EAF2: variants seen among roughly 807,000 people sequenced by gnomAD.
EAF2 encodes the protein ELL associated factor 2.
A neutral mutation model predicts 29.4 loss-of-function variants in EAF2; 29 were observed. The ratio of observed to expected loss-of-function variants is 0.99; its 90% CI spans 0.73 to 1.35. The LOEUF is 1.35. Among genes scored for constraint, EAF2 ranks in the 40% most tolerant of loss-of-function variants. The pLI, the probability that EAF2 is intolerant of heterozygous loss-of-function variation, is 0.00. For synonymous variants in EAF2, 103 were observed against 102.5 expected, an observed-to-expected ratio of 1.00 and a Z score of -0.03; for missense variants, 292 against 312.0, an observed-to-expected ratio of 0.94 and a Z score of 0.48.
intron 2 of EAF2, among the ~76,000 whole-genome samples, chr3:121,845,387 G>A (rs190258718): frequency 2.3e-4 from 29 of 124,394 alleles, no homozygotes; most frequent in Admixed American, 1.3e-3. Flanking sequence ...GCAGTGAGCC[G>A]AGATCACGCC....
intron 4 of EAF2, among the ~76,000 whole-genome samples, chr3:121,868,470 G>C (rs1360003478): frequency 6.6e-6 from 1 of 152,052 alleles, no homozygotes; most frequent in Non-Finnish European, 1.5e-5. Flanking sequence ...ACGGTGGCAC[G>C]CACCTTAATC....
chr3:121,845,175 C>A (rs1168151375), intron 2 of EAF2, among the ~76,000 whole-genome samples: 2 of 152,032 alleles, frequency 1.3e-5, no homozygotes, highest in Non-Finnish European at 1.5e-5. Flanking sequence ...CGCGGTGGCT[C>A]ACCCCTGTAA....
chr3:121,867,297 G>A (rs1306316152), intron 4 of EAF2, among the ~76,000 whole-genome samples: 1 of 152,000 alleles, frequency 6.6e-6, no homozygotes, highest in Non-Finnish European at 1.5e-5. Flanking sequence ...GTAAAAACCC[G>A]AACAAGCCCC....
intron 5 of EAF2, among the ~76,000 whole-genome samples, chr3:121,880,228 G>C (rs1376194212): frequency 6.6e-6 from 1 of 151,902 alleles, no homozygotes; most frequent in Non-Finnish European, 1.5e-5. Context: ...CTGCAGCCTT[G>C]AACTCCTAGG....
chr3:121,843,623 A>G (rs1708471118), intron 1 of EAF2, among the ~76,000 whole-genome samples: 1 of 152,112 alleles, frequency 6.6e-6, no homozygotes, highest in South Asian at 2.1e-4. Context: ...TTAGCTGTTG[A>G]TGTATATTCG....
chr3:121,859,679 T>C (rs1425652775), intron 4 of EAF2, among the ~76,000 whole-genome samples: 1 of 152,224 alleles, frequency 6.6e-6, no homozygotes, highest in East Asian at 1.9e-4. Flanking sequence ...TCCTGCCTGA[T>C]TGCCCTGGCC....
chr3:121,846,588 A>C (rs922211154), intron 2 of EAF2, among the ~76,000 whole-genome samples: 4 of 152,208 alleles, frequency 2.6e-5, no homozygotes, highest in Admixed American at 2.6e-4. Flanking sequence ...AGCCTGGGCA[A>C]CAAGAGCGAA....
chr3:121,873,073 G>C (rs1353690447), intron 5 of EAF2: 10 of 686,022 alleles, frequency 1.5e-5, no homozygotes, highest in Middle Eastern at 2.3e-4. Context: ...CTTACTTTTG[G>C]GTTCTTTTTT....
At chr3:121,838,156 G>A (rs1339753396) in intron 1 of EAF2, among the ~76,000 whole-genome samples, 1 of 151,992 alleles carries the variant, frequency 6.6e-6, no homozygotes, top group Non-Finnish European at 1.5e-5. Context: ...TGGCAGAAAA[G>A]GTATTAAATA....
intron 5 of EAF2, among the ~76,000 whole-genome samples, chr3:121,882,115 G>A (rs1033081035): frequency 5.9e-5 from 9 of 152,046 alleles, no homozygotes; most frequent in South Asian, 2.1e-4. Context: ...TTGGGAGGAC[G>A]AGGCAGGTGG....
rs1708511401 is a variant in EAF2 at position 121,845,446 on chromosome 3, A to G, written c.201+899A>G. Among the ~76,000 whole-genome samples, 3 of 144,814 alleles carry G rather than the reference A, an allele frequency of 2.1e-5. No homozygotes were observed. The South Asian group carries it at 6.6e-4, about 32-fold the overall frequency. ...GAGCGAGACTCCTACATCTCAAAAA[A>G]AAAAAAAAAAAAAAAAGAAAGAAAG... On this transcript the variant is annotated intron_variant, in intron 2 of 5. Transcript: ENST00000273668.
intron 1 of EAF2, chr3:121,837,864 G>A (rs1708333100): frequency 6.6e-6 from 1 of 152,174 alleles, no homozygotes; most frequent in Non-Finnish European, 1.5e-5. Flanking sequence ...GGGTAGAAGA[G>A]TTTCAATAAC....
intron 1 of EAF2, among the ~76,000 whole-genome samples, chr3:121,842,595 AAT>A (rs1470927839): frequency 2.6e-5 from 4 of 152,168 alleles, no homozygotes; most frequent in Non-Finnish European, 4.4e-5. Context: ...TCAAAGTAAA[AAT>A]CATCAGGAAA....
chr3:121,880,532 C>T (rs1222600874), intron 5 of EAF2, among the ~76,000 whole-genome samples: 1 of 149,948 alleles, frequency 6.7e-6, no homozygotes, highest in Non-Finnish European at 1.5e-5. Flanking sequence ...TTGATTTCTT[C>T]TTGTTTGTTT....
chr3:121,845,402 C>A lies in EAF2; in HGVS notation c.201+855C>A, dbSNP rs1442636027. Among the ~76,000 whole-genome samples the A allele has an allele frequency of 4.0e-5, 5 of 125,312 alleles. No homozygotes were observed. The Admixed American group carries it at 5.0e-4, about 13-fold the overall frequency. 82.2% of individuals were successfully genotyped at this position (125,312 alleles called of 152,430 possible). On this transcript the variant is annotated intron_variant, in intron 2 of 5. Coordinates refer to ENST00000273668, the MANE Select transcript of EAF2 (RefSeq NM_018456.6). The stretch of plus-strand genomic sequence containing the variant: ...GCAGTGAGCCGAGATCACGCCACTG[C>A]ACTCCAGCCTGGGCGATAGAGCGAG...
At chr3:121,856,777 G>A (rs1441987491) in intron 3 of EAF2, among the ~76,000 whole-genome samples, 1 of 152,216 alleles carries the variant, frequency 6.6e-6, no homozygotes, top group Non-Finnish European at 1.5e-5. Context: ...CGCCAAGCCT[G>A]GCACTGGTTT....
intron 4 of EAF2, among the ~76,000 whole-genome samples, chr3:121,860,976 C>T (rs957506276): frequency 3.3e-5 from 5 of 152,052 alleles, no homozygotes; most frequent in South Asian, 2.1e-4. Flanking sequence ...TGTAGTTGTG[C>T]GTTTTGAGTG....
intron 2 of EAF2, among the ~76,000 whole-genome samples, chr3:121,845,189 C>T (rs1708504130): frequency 6.6e-6 from 1 of 151,898 alleles, no homozygotes; most frequent in Non-Finnish European, 1.5e-5. Context: ...CCTGTAATCC[C>T]AGCGCTTTGG....
intron 5 of EAF2, among the ~76,000 whole-genome samples, chr3:121,883,074 C>T (rs1709218321): frequency 6.6e-6 from 1 of 152,016 alleles, no homozygotes; most frequent in African/African-American, 2.4e-5. Flanking sequence ...TGTGTTCTAA[C>T]TTTGTAAATG....
Sources: gnomAD v4.1 joint callset for allele counts (sites outside exome capture counted in the v4.1 genomes callset) on GRCh38, gnomAD v4.1.1 for gene constraint, MANE v1.5 for transcripts, NCBI Gene and HGNC (gene_info 2026-07-23, HGNC 2026-07-21) for gene names.